ARNT2: variants seen among roughly 807,000 people sequenced by gnomAD.
ARNT2 encodes aryl hydrocarbon receptor nuclear translocator 2.
In ARNT2, 36 loss-of-function variants were observed where a neutral mutation model predicts 91.7. The ratio of observed to expected loss-of-function variants is 0.39; its 90% CI spans 0.30 to 0.52. ARNT2 has a LOEUF of 0.52. ARNT2 is among the 20% of genes least tolerant of loss of function. ARNT2 has a pLI of 0.72. For synonymous variants in ARNT2, 365 were observed against 347.1 expected (o/e 1.05, Z -0.57); for missense variants, 775 against 939.3 (o/e 0.83, Z 2.29).
chr15:80,522,760 C>CAT (rs60138286), intron 8 of ARNT2, among the ~76,000 whole-genome samples: 26,347 of 144,030 alleles, frequency 0.18, 2,678 homozygotes, highest in Non-Finnish European at 0.24. Context: ...TGTACATACA[C>CAT]ATATATATAT....
chr15:80,458,929 T>C (rs907815326), intron 3 of ARNT2, among the ~76,000 whole-genome samples: 5 of 152,300 alleles, frequency 3.3e-5, no homozygotes, highest in African/African-American at 1.2e-4. Flanking sequence ...ATGGCCTCAG[T>C]TGTTTTTGGA....
chr15:80,559,141 G>A (rs1467852589), intron 11 of ARNT2, among the ~76,000 whole-genome samples: 3 of 152,180 alleles, frequency 2.0e-5, no homozygotes, highest in Non-Finnish European at 4.4e-5. Context: ...CCATCCAACA[G>A]CACATCCAAG....
intron 11 of ARNT2, among the ~76,000 whole-genome samples, chr15:80,557,833 T>C (rs868728263): frequency 1.3e-5 from 2 of 152,160 alleles, no homozygotes; most frequent in Non-Finnish European, 2.9e-5. Context: ...TCCTTGCTGG[T>C]CTCTCTGCTT....
intron 2 of ARNT2, among the ~76,000 whole-genome samples, chr15:80,453,192 T>G (rs947239587): frequency 3.3e-5 from 5 of 151,840 alleles, no homozygotes; most frequent in African/African-American, 9.7e-5. Flanking sequence ...TAGCATGGAG[T>G]TCCACTTAAA....
At chr15:80,518,012 G>C (rs1244491565) in intron 8 of ARNT2, among the ~76,000 whole-genome samples, 1 of 151,966 alleles carries the variant, frequency 6.6e-6, no homozygotes, top group Non-Finnish European at 1.5e-5. Context: ...TGCTCACTTT[G>C]TCTCTTCAAA....
At chr15:80,431,092 T>G (rs1896002352) in intron 1 of ARNT2, among the ~76,000 whole-genome samples, 1 of 152,134 alleles carries the variant, frequency 6.6e-6, no homozygotes, top group Non-Finnish European at 1.5e-5. Context: ...GCTCAGGTAC[T>G]TACATGTACC....
chr15:80,590,359 C>T (rs117425703), intron 17 of ARNT2, among the ~76,000 whole-genome samples: 1 of 152,296 alleles, frequency 6.6e-6, no homozygotes, highest in Non-Finnish European at 1.5e-5. Flanking sequence ...TTTTAAGCCT[C>T]CTCTTTGGTT....
At chr15:80,494,013 TCC>T in intron 5 of ARNT2, among the ~76,000 whole-genome samples, 1 of 152,336 alleles carries the variant, frequency 6.6e-6, no homozygotes, top group East Asian at 1.9e-4. Context: ...CCATGATGCT[TCC>T]TGGAGTCCTC....
At chr15:80,531,988 G>A (rs1006786640) in intron 8 of ARNT2, among the ~76,000 whole-genome samples, 3 of 152,058 alleles carry the variant, frequency 2.0e-5, no homozygotes, top group Admixed American at 1.3e-4. Context: ...GGCAGTGGGC[G>A]GCTCCACCTC....
Position 80,597,931 on chromosome 15 carries a change from C to G in ARNT2, c.*4233C>G, listed in dbSNP as rs376829812. 1 of 152,754 alleles carries G rather than the reference C, an allele frequency of 6.5e-6. No individual in the cohort carries two copies. Among genetic ancestry groups the G allele is most frequent in the African/African-American group, 2.4e-5 (1 of 41,474 alleles). The allele number at this position is 152,754 out of a possible 1,614,324, so 9.5% of individuals were successfully genotyped here. A position where few individuals can be genotyped will look rare whatever the true frequency, so the allele number is the denominator to read the frequency against. Reference sequence around the variant, plus strand: ...ACAATAAAAATGACTTTGCTCTGAACAACAAATGGCCCAGGCCAAGTTTGT... The same window carrying G: ...ACAATAAAAATGACTTTGCTCTGAAGAACAAATGGCCCAGGCCAAGTTTGT... On this transcript the variant is annotated 3_prime_UTR_variant, in exon 19 of 19. Coordinates refer to ENST00000303329, the MANE Select transcript of ARNT2 (RefSeq NM_014862.4).
intron 8 of ARNT2, among the ~76,000 whole-genome samples, chr15:80,541,626 C>T (rs749267342): frequency 6.6e-5 from 10 of 152,072 alleles, no homozygotes; most frequent in Admixed American, 1.3e-4. Flanking sequence ...ATCTTTAATC[C>T]GTCTTGACCA....
intron 8 of ARNT2, among the ~76,000 whole-genome samples, chr15:80,550,522 G>T (rs770834541): frequency 6.6e-6 from 1 of 152,238 alleles, no homozygotes; most frequent in Non-Finnish European, 1.5e-5. Context: ...ACCAACTGCA[G>T]ATGTTTAAGA....
chr15:80,583,927 A>G (rs957425653), intron 17 of ARNT2, among the ~76,000 whole-genome samples: 9 of 152,236 alleles, frequency 5.9e-5, no homozygotes, highest in African/African-American at 1.9e-4. Context: ...AACCCTTCCA[A>G]TGAGGGCATG....
chr15:80,565,228 G>A (rs948702497), intron 12 of ARNT2, among the ~76,000 whole-genome samples: 7 of 152,026 alleles, frequency 4.6e-5, no homozygotes, highest in African/African-American at 1.4e-4. Flanking sequence ...CCCAGCCCAC[G>A]TTTTCTTTAT....
At chr15:80,467,259 A>G (rs903920616) in intron 3 of ARNT2, among the ~76,000 whole-genome samples, 6 of 152,248 alleles carry the variant, frequency 3.9e-5, no homozygotes, top group African/African-American at 1.4e-4. Context: ...GACAGCAGGC[A>G]GTCGGCATGG....
intron 1 of ARNT2, among the ~76,000 whole-genome samples, chr15:80,446,047 T>C (rs1454015368): frequency 6.6e-6 from 1 of 152,158 alleles, no homozygotes; most frequent in African/African-American, 2.4e-5. Flanking sequence ...GCTTACGCTG[T>C]GCCAGGCATC....
intron 5 of ARNT2, among the ~76,000 whole-genome samples, chr15:80,498,714 A>G (rs1897152402): frequency 6.6e-6 from 1 of 152,242 alleles, no homozygotes; most frequent in Non-Finnish European, 1.5e-5. Context: ...AAAGACATAC[A>G]CAGAAAAGAA....
At position 80,483,970 on chromosome 15, in the gene ARNT2, C is replaced by T. The variant is rs1896928012; in HGVS notation, c.622+8747C>T. 2.0e-5 allele frequency among the ~76,000 whole-genome samples: 3 copies of T among 152,324 alleles called. No homozygotes were observed. In the South Asian group the frequency reaches 6.2e-4, roughly 32 times the overall value. On this transcript the variant is annotated intron_variant, in intron 5 of 18. Coordinates refer to ENST00000303329, the MANE Select transcript of ARNT2 (RefSeq NM_014862.4). ...TCCCACAGGGGTCCTGTGAATTATG[C>T]AGTCCACCCCTGGGGTATCAGTTCT...
intron 8 of ARNT2, among the ~76,000 whole-genome samples, chr15:80,547,567 A>G (rs1898010468): frequency 6.6e-6 from 1 of 152,204 alleles, no homozygotes; most frequent in East Asian, 1.9e-4. Context: ...AAGAATGACT[A>G]ACAAACAAAT....
Sources: allele counts gnomAD v4.1 joint callset (sites outside exome capture counted in the v4.1 genomes callset), GRCh38; gene constraint gnomAD v4.1.1; transcripts MANE v1.5; gene names NCBI Gene and HGNC (gene_info 2026-07-23, HGNC 2026-07-21).